Variants in ELK4 observed in about 807,000 individuals in gnomAD.
The protein encoded by ELK4 is ETS domain-containing protein Elk-4.
ELK4 carries 16 observed loss-of-function variants against 29.6 expected under a neutral mutation model. The ratio of observed to expected loss-of-function variants is 0.54; its 90% CI spans 0.37 to 0.82. The LOEUF (loss-of-function observed/expected upper bound fraction) is 0.82. Ranked by LOEUF, ELK4 falls within the 40% of genes least tolerant of loss-of-function variation. The pLI, the probability that ELK4 is intolerant of heterozygous loss-of-function variation, is 0.00. For synonymous variants in ELK4, 213 were observed against 191.1 expected (o/e 1.11, Z -0.95); for missense variants, 465 against 507.1 (o/e 0.92, Z 0.80).
Position 205,623,270 on chromosome 1 carries a change from C to G in ELK4, c.207+406G>C, listed in dbSNP as rs145253871. ...ACAAAATACACTGGATTAAAATAAACTAGGAAATTGGTATCTATAACCTCA... is the reference window on the plus strand; with the variant it reads ...ACAAAATACACTGGATTAAAATAAAGTAGGAAATTGGTATCTATAACCTCA... On this transcript the variant is annotated intron_variant, in intron 2 of 4. Coordinates refer to ENST00000357992, the MANE Select transcript of ELK4 (RefSeq NM_001973.4). 4.0e-5 allele frequency among the ~76,000 whole-genome samples: 6 copies of G among 151,054 alleles called. No individual in the cohort carries two copies. The East Asian group carries it at 1.2e-3, about 29-fold the overall frequency.
rs138326525 is a variant in ELK4, at chr1:205,616,400, T to C, written c.*146A>G. On this transcript the variant is annotated 3_prime_UTR_variant, in exon 5 of 5. Transcript: ENST00000357992. ...CTTGAGTCCTATTCAAAGAGAATCC[T>C]AAAAAGATGTTTTCAATGGGGAATG... 7.4e-5 allele frequency: 52 copies of C among 698,506 alleles called. 1 individual carries two copies. In the Middle Eastern group the frequency reaches 8.2e-4, roughly 11 times the overall value. The allele number at this position is 698,506 out of a possible 1,614,324, so 43.3% of individuals were successfully genotyped here.
At position 205,611,831 on chromosome 1, in the gene ELK4, G is replaced by A. The variant is rs1378217486; in HGVS notation, c.*4715C>T. On this transcript the variant is annotated 3_prime_UTR_variant, in exon 5 of 5. Coordinates refer to ENST00000357992, the MANE Select transcript of ELK4 (RefSeq NM_001973.4). Reference sequence around the variant, plus strand: ...AAGCACGATTCTAGACTCCTGGCACGGGTAAATAAAACATATACAGTCAAT... The same window carrying A: ...AAGCACGATTCTAGACTCCTGGCACAGGTAAATAAAACATATACAGTCAAT... 1 of 191,208 alleles carries A rather than the reference G, an allele frequency of 5.2e-6. No individual in the cohort carries two copies. The highest frequency in any genetic ancestry group is 1.1e-5 in the Non-Finnish European group (1 of 91,434). The allele number at this position is 191,208 out of a possible 1,614,324, so 11.8% of individuals were successfully genotyped here.
chr1:205,621,398 A>T (rs1486716293), intron 2 of ELK4, among the ~76,000 whole-genome samples: 1 of 152,180 alleles, frequency 6.6e-6, no homozygotes, highest in Non-Finnish European at 1.5e-5. Flanking sequence ...ATAAAAACTG[A>T]AGGATTTTAA....
At position 205,626,108 on chromosome 1, in the gene ELK4, C is replaced by T. The variant is rs1571505565; in HGVS notation, c.-9-2217G>A. The T allele has an allele frequency of 7.1e-6, 6 of 850,290 alleles. No homozygotes were observed. In the East Asian group the frequency reaches 1.5e-4, roughly 21 times the overall value. 52.7% of individuals were successfully genotyped at this position (850,290 alleles called of 1,614,324 possible). ...TCTACCAGGAACACCATGAAGACTT[C>T]TTTCTCTACGTTGCCTACAGTGACC... On this transcript the variant is annotated intron_variant, in intron 1 of 4. Transcript: ENST00000357992.
At chr1:205,630,839 G>A (rs1670568324) in intron 1 of ELK4, among the ~76,000 whole-genome samples, 2 of 152,282 alleles carry the variant, frequency 1.3e-5, no homozygotes, top group South Asian at 2.1e-4. Flanking sequence ...CAAGCCAGGG[G>A]GTGTAGGGGG....
Position 205,615,648 on chromosome 1 carries a change from T to C in ELK4, c.*898A>G, listed in dbSNP as rs1221618736. 1 of 204,640 alleles carries C rather than the reference T, an allele frequency of 4.9e-6. No individual in the cohort carries two copies. Among genetic ancestry groups the C allele is most frequent in the Non-Finnish European group, 1.0e-5 (1 of 99,954 alleles). The allele number at this position is 204,640 out of a possible 1,614,324, so 12.7% of individuals were successfully genotyped here. A position where few individuals can be genotyped will look rare whatever the true frequency, so the allele number is the denominator to read the frequency against. On this transcript the variant is annotated 3_prime_UTR_variant, in exon 5 of 5. Coordinates refer to ENST00000357992, the MANE Select transcript of ELK4 (RefSeq NM_001973.4). Reference sequence around the variant, plus strand: ...TGTTTCAAGTTATCTGATCGAATCTTTTACTCAGAGATGTTTCAAATATTC... The same window carrying C: ...TGTTTCAAGTTATCTGATCGAATCTCTTACTCAGAGATGTTTCAAATATTC...
intron 3 of ELK4, chr1:205,619,330 G>C: frequency 9.4e-7 from 1 of 1,068,360 alleles, no homozygotes; most frequent in Non-Finnish European, 1.1e-6. Context: ...TTGGTTACAT[G>C]GATGAGTTCT....
At chr1:205,625,927 T>C in intron 1 of ELK4, 2 of 780,216 alleles carry the variant, frequency 2.6e-6, no homozygotes, top group South Asian at 1.4e-5. Context: ...TCCGCCTGCC[T>C]TGGCCTCCCA....
chr1:205,625,469 G>A (rs113736858), intron 1 of ELK4: 12 of 659,918 alleles, frequency 1.8e-5, no homozygotes, highest in Middle Eastern at 6.1e-4. Context: ...TAGTTCAGCC[G>A]GGTTCCCAAC....
At position 205,620,256 on chromosome 1, in the gene ELK4, G is replaced by T. The variant is rs1309056277; in HGVS notation, c.790C>A (p.Pro264Thr). ...AGTGGTGGTGAAGGTGTTCTGGGAG[G>T]TTCCTGCAAAGGGGGTATGGACGAA... The part of the protein sequence containing the change: ...PISSIPPLQE[P>T]PRTPSPPLSS... The change falls in exon 3 of 5, where the codon CCT (proline) becomes ACT (threonine). Residue 264 changes from proline to threonine, a missense_variant. Physicochemically the swap from Pro to Thr is conservative, Grantham distance 38. Transcript: ENST00000357992. 1 of 1,614,194 alleles carries T rather than the reference G, an allele frequency of 6.2e-7. No homozygotes were observed.
At chr1:205,622,165 G>A (rs1008686286) in intron 2 of ELK4, among the ~76,000 whole-genome samples, 1 of 152,084 alleles carries the variant, frequency 6.6e-6, no homozygotes, top group Non-Finnish European at 1.5e-5. Context: ...AGTGAGCTGA[G>A]ATCACGCCAC....
intron 2 of ELK4, among the ~76,000 whole-genome samples, 169 bp downstream of exon 2, chr1:205,623,507 G>T (rs1474037977): frequency 6.6e-6 from 1 of 151,892 alleles, no homozygotes; most frequent in Non-Finnish European, 1.5e-5. Flanking sequence ...TAGAGACAGG[G>T]TTTCACCACA....
intron 1 of ELK4, among the ~76,000 whole-genome samples, chr1:205,627,849 G>C (rs1471069975): frequency 6.6e-6 from 1 of 152,180 alleles, no homozygotes; most frequent in African/African-American, 2.4e-5. Context: ...TTATCACTTT[G>C]AAGCTGGTTG....
At chr1:205,618,245 G>T (rs1049711793) in intron 4 of ELK4, among the ~76,000 whole-genome samples, 2 of 151,878 alleles carry the variant, frequency 1.3e-5, no homozygotes, top group Non-Finnish European at 1.5e-5. Context: ...TGTCCAGGCT[G>T]GTCTCAAACT....
chr1:205,627,504 G>A (rs1306646119), intron 1 of ELK4, among the ~76,000 whole-genome samples: 2 of 147,752 alleles, frequency 1.4e-5, no homozygotes, highest in African/African-American at 2.5e-5. Context: ...GCGAGACTCC[G>A]CCTCAAAAAA....
Position 205,616,658 on chromosome 1 carries a change from C to A in ELK4, c.1198-14G>T. On this transcript the variant is annotated splice_polypyrimidine_tract_variant and intron_variant, in intron 4 of 4. Coordinates refer to ENST00000357992, the MANE Select transcript of ELK4 (RefSeq NM_001973.4). ...TACAGAAGGAAACTGAGAAAGAAAA[C>A]AAAACACATTATCATCCTATTACTC... The A allele has an allele frequency of 6.2e-7, 1 of 1,607,648 alleles. No homozygotes were observed. The highest frequency in any genetic ancestry group is 1.1e-5 in the South Asian group (1 of 90,870).
At chr1:205,629,072 G>A (rs1476760981) in intron 1 of ELK4, among the ~76,000 whole-genome samples, 1 of 150,948 alleles carries the variant, frequency 6.6e-6, no homozygotes, top group Non-Finnish European at 1.5e-5. Flanking sequence ...TACTCGGCAG[G>A]CTGAGGCAGA....
chr1:205,628,422 A>G (rs1670507774), intron 1 of ELK4, among the ~76,000 whole-genome samples: 1 of 152,200 alleles, frequency 6.6e-6, no homozygotes, highest in South Asian at 2.1e-4. Flanking sequence ...TTCATATAAG[A>G]CTGCTTATAG....
In ELK4 at chr1:205,625,469, G is replaced by C. The variant is rs113736858; in HGVS notation, c.-9-1578C>G. ...TCCTTCAGCCCAGCCTAGTTCAGCCGGGTTCCCAACAGGATGAAATTCGTG... is the reference window on the plus strand; with the variant it reads ...TCCTTCAGCCCAGCCTAGTTCAGCCCGGTTCCCAACAGGATGAAATTCGTG... On this transcript the variant is annotated intron_variant, in intron 1 of 4. Transcript: ENST00000357992. 1.6e-3 allele frequency: 1,058 copies of C among 659,916 alleles called. 4 individuals carry two copies. In the African/African-American group the frequency reaches 0.017, roughly 11 times the overall value. 40.9% of individuals were successfully genotyped at this position (659,916 alleles called of 1,614,324 possible).
Sources: gnomAD v4.1 joint callset for allele counts (sites outside exome capture counted in the v4.1 genomes callset) on GRCh38, gnomAD v4.1.1 for gene constraint, MANE v1.5 for transcripts, NCBI Gene and HGNC (gene_info 2026-07-23, HGNC 2026-07-21) for gene names.